RBFOX1: variants seen among roughly 807,000 people sequenced by gnomAD.
The protein encoded by RBFOX1 is RNA binding protein fox-1 homolog 1.
A neutral mutation model predicts 57.7 loss-of-function variants in RBFOX1; 8 were observed. The ratio of observed to expected loss-of-function variants is 0.14; its 90% CI spans 0.08 to 0.25. RBFOX1 has a LOEUF of 0.25. RBFOX1 is among the 10% of genes least tolerant of loss of function. RBFOX1 has a pLI of 1.00. For missense variants in RBFOX1, 611 were observed against 548.5 expected (o/e 1.11, Z -1.14); for synonymous variants, 326 against 222.4 (o/e 1.47, Z -4.15).
At chr16:5,538,682 G>A (rs1437907182) in intron 2 of RBFOX1, among the ~76,000 whole-genome samples, 5 of 149,716 alleles carry the variant, frequency 3.3e-5, no homozygotes, top group African/African-American at 4.9e-5. Context: ...CTGGAGTGCA[G>A]TGGTGTGATC....
intron 3 of RBFOX1, among the ~76,000 whole-genome samples, chr16:6,899,279 T>C (rs566215209): frequency 6.6e-6 from 1 of 152,238 alleles, no homozygotes; most frequent in African/African-American, 2.4e-5. Context: ...TGTGCATGTA[T>C]GTGTGTATAA....
chr16:5,923,867 A>G (rs912453342), intron 4 of RBFOX1, among the ~76,000 whole-genome samples: 6 of 151,970 alleles, frequency 3.9e-5, no homozygotes, highest in Non-Finnish European at 8.8e-5. Context: ...AGGCATCATG[A>G]CTTCCTGTCC....
rs142520882 is a variant in RBFOX1, at chr16:5,881,856, C to G, written c.351+14521C>G. Among the ~76,000 whole-genome samples the G allele has an allele frequency of 5.5e-3, 830 of 152,228 alleles. 9 individuals carry two copies. Among genetic ancestry groups the G allele is most frequent in the Middle Eastern group, 6.8e-3 (2 of 294 alleles). On this transcript the variant is annotated intron_variant, in intron 4 of 19. Transcript: ENST00000641259. ...GATGGTTAACATTTATAAATACTTA[C>G]TATGCACCAGGCACTCTTCTAAGCA...
intron 3 of RBFOX1, among the ~76,000 whole-genome samples, chr16:6,826,696 C>G (rs186547205): frequency 1.2e-4 from 19 of 152,176 alleles, no homozygotes; most frequent in African/African-American, 3.4e-4. Flanking sequence ...AGAGGACTAA[C>G]CCTAAGACCA....
intron 14 of RBFOX1, among the ~76,000 whole-genome samples, chr16:7,706,979 G>A (rs570871424): frequency 1.4e-4 from 22 of 152,202 alleles, no homozygotes; most frequent in East Asian, 3.9e-4. Context: ...AAGGATAATC[G>A]TTGATTAAAG....
At chr16:5,902,225 T>C (rs1680880247) in intron 4 of RBFOX1, among the ~76,000 whole-genome samples, 1 of 152,076 alleles carries the variant, frequency 6.6e-6, no homozygotes, top group South Asian at 2.1e-4. Flanking sequence ...GAATTAATGT[T>C]CCCATTTTAT....
intron 1 of RBFOX1, among the ~76,000 whole-genome samples, chr16:5,331,638 G>T (rs1483539248): frequency 4.6e-5 from 7 of 152,262 alleles, no homozygotes; most frequent in Admixed American, 2.0e-4. Flanking sequence ...AAATCAAAGG[G>T]TGGAGAAATA....
chr16:6,995,443 A>T (rs923646798), intron 3 of RBFOX1, among the ~76,000 whole-genome samples: 1 of 151,974 alleles, frequency 6.6e-6, no homozygotes, highest in African/African-American at 2.4e-5. Context: ...ATTCCCAAGC[A>T]AATAATCTTG....
At chr16:7,609,311 G>T (rs538230932) in intron 10 of RBFOX1, among the ~76,000 whole-genome samples, 1 of 152,182 alleles carries the variant, frequency 6.6e-6, no homozygotes, top group Non-Finnish European at 1.5e-5. Flanking sequence ...GGTCCTGTGC[G>T]ATGGAGTTGC....
chr16:7,529,017 G>A (rs2079341568), intron 5 of RBFOX1, among the ~76,000 whole-genome samples: 1 of 152,218 alleles, frequency 6.6e-6, no homozygotes, highest in Admixed American at 6.5e-5. Flanking sequence ...CCAGCACTTT[G>A]GGAGGCCAAA....
At chr16:5,499,090 C>T (rs191125170) in intron 2 of RBFOX1, among the ~76,000 whole-genome samples, 11 of 152,298 alleles carry the variant, frequency 7.2e-5, no homozygotes, top group Admixed American at 4.6e-4. Flanking sequence ...CTGGCCAGGC[C>T]GGCTCTGGTT....
chr16:6,409,029 T>C (rs1031488836), intron 2 of RBFOX1, among the ~76,000 whole-genome samples: 7 of 152,220 alleles, frequency 4.6e-5, no homozygotes, highest in Non-Finnish European at 1.5e-5. Context: ...CTAACACATA[T>C]TTGACATTTT....
intron 2 of RBFOX1, among the ~76,000 whole-genome samples, chr16:5,543,780 C>T (rs907368569): frequency 1.3e-5 from 2 of 151,924 alleles, no homozygotes; most frequent in African/African-American, 4.8e-5. Flanking sequence ...TAAAAGCATC[C>T]AGAGGGAAAA....
chr16:6,746,548 A>G (rs1319071541), intron 3 of RBFOX1, among the ~76,000 whole-genome samples: 1 of 151,952 alleles, frequency 6.6e-6, no homozygotes, highest in African/African-American at 2.4e-5. Flanking sequence ...ATGATGGCAC[A>G]TGTCTGCAGT....
chr16:6,869,595 A>G (rs1311244196), intron 3 of RBFOX1, among the ~76,000 whole-genome samples: 1 of 152,066 alleles, frequency 6.6e-6, no homozygotes, highest in African/African-American at 2.4e-5. Context: ...GAAATAGAGA[A>G]AGAAAGAACA....
At chr16:5,500,197 A>C in intron 2 of RBFOX1, among the ~76,000 whole-genome samples, 1 of 113,946 alleles carries the variant, frequency 8.8e-6, no homozygotes, top group Non-Finnish European at 1.6e-5. Flanking sequence ...CCCTCCCTTC[A>C]TTCCATTCCA....
At chr16:5,798,947 G>C (rs760223140) in intron 3 of RBFOX1, among the ~76,000 whole-genome samples, 1 of 152,130 alleles carries the variant, frequency 6.6e-6, no homozygotes, top group Non-Finnish European at 1.5e-5. Flanking sequence ...ACTCCTGCAA[G>C]ATCTCGGGTG....
At chr16:7,601,198 T>A (rs2095000864) in intron 9 of RBFOX1, among the ~76,000 whole-genome samples, 1 of 152,188 alleles carries the variant, frequency 6.6e-6, no homozygotes, top group South Asian at 2.1e-4. Context: ...CCCGGATCAG[T>A]TCTTCCATTC....
chr16:6,833,939 T>C (rs763079475), intron 3 of RBFOX1, among the ~76,000 whole-genome samples: 23 of 152,084 alleles, frequency 1.5e-4, no homozygotes, highest in Non-Finnish European at 2.4e-4. Flanking sequence ...TCCAGAGTGA[T>C]GTGACAAGGG....
Sources: allele counts gnomAD v4.1 joint callset (sites outside exome capture counted in the v4.1 genomes callset), GRCh38; gene constraint gnomAD v4.1.1; transcripts MANE v1.5; gene names NCBI Gene and HGNC (gene_info 2026-07-23, HGNC 2026-07-21).